The following FES variants were observed in gnomAD, a reference collection of about 807,000 sequenced individuals.
FES encodes tyrosine-protein kinase Fes/Fps.
FES carries 83 observed loss-of-function variants against 109.6 expected under a neutral mutation model. The ratio of observed to expected loss-of-function variants is 0.76; its 90% CI spans 0.63 to 0.91. FES has a LOEUF of 0.91. FES is among the 40% of genes least tolerant of loss of function. FES has a pLI of 0.00. For missense variants in FES, 943 were observed against 1,070.9 expected (o/e 0.88, Z 1.67); for synonymous variants, 458 against 442.1 (o/e 1.04, Z -0.45).
Position 90,895,583 on chromosome 15 carries a change from G to A in FES, c.*25G>A, listed in dbSNP as rs1033864972. The A allele has an allele frequency of 1.3e-6, 2 of 1,529,558 alleles. No homozygotes were observed. Among genetic ancestry groups the A allele is most frequent in the South Asian group, 1.2e-5 (1 of 80,298 alleles). 94.7% of individuals were successfully genotyped at this position (1,529,558 alleles called of 1,614,324 possible). A position where few individuals can be genotyped will look rare whatever the true frequency, so the allele number is the denominator to read the frequency against. On this transcript the variant is annotated 3_prime_UTR_variant, in exon 19 of 19. Coordinates refer to ENST00000328850, the MANE Select transcript of FES (RefSeq NM_002005.4). Reference sequence around the variant, plus strand: ...AGGCTGGGACCCCCTTCTCAAGCTGGTGGCCTCTGCAGGCCTAGGTGCAGC... The same window carrying A: ...AGGCTGGGACCCCCTTCTCAAGCTGATGGCCTCTGCAGGCCTAGGTGCAGC...
intron 2 of FES, 51 bp downstream of exon 2, chr15:90,885,309 T>C: frequency 6.2e-7 from 1 of 1,602,380 alleles, no homozygotes; most frequent in South Asian, 1.1e-5. Context: ...GCCTTCTCCT[T>C]CCTCTCCTGG....
At position 90,891,969 on chromosome 15, in the gene FES, G is replaced by A. The variant is rs180690811; in HGVS notation, c.1654-89G>A. ...GGTCCCACCCCTGGTCACATATGGA[G>A]GCGCCAAAAAATGGAGGACACAGCC... On this transcript the variant is annotated intron_variant, in intron 12 of 18. Transcript: ENST00000328850. 3.2e-3 allele frequency: 4,816 copies of A among 1,516,880 alleles called. 135 individuals are homozygous for A. The African/African-American group carries it at 0.054, about 17-fold the overall frequency. 94.0% of individuals were successfully genotyped at this position (1,516,880 alleles called of 1,614,324 possible). A position where few individuals can be genotyped will look rare whatever the true frequency, so the allele number is the denominator to read the frequency against.
rs1288171111 is a variant in FES at position 90,885,227 on chromosome 15, G to A, written c.182G>A (p.Arg61Gln). 28 of 1,613,204 alleles carry A rather than the reference G, an allele frequency of 1.7e-5. No homozygotes were observed. Among genetic ancestry groups the A allele is most frequent in the Non-Finnish European group, 2.3e-5 (27 of 1,179,980 alleles). The change falls in exon 2 of 19, where the codon CGG becomes CAG. Residue 61 changes from arginine to glutamine, a missense_variant. Coordinates refer to ENST00000328850, the MANE Select transcript of FES (RefSeq NM_002005.4). Reference sequence around the variant, plus strand: ...CTGCAGGACAGTGGGGGCCAGAGCCGGGCCATCAGCCCTGACAGCCCCATC... The same window carrying A: ...CTGCAGGACAGTGGGGGCCAGAGCCAGGCCATCAGCCCTGACAGCCCCATC... ...MSLQDSGGQS[R>Q]AISPDSPISQ... is the part of the protein sequence containing the mutation.
At chr15:90,888,503 G>A (rs564912536) in intron 5 of FES, among the ~76,000 whole-genome samples, 1 of 152,218 alleles carries the variant, frequency 6.6e-6, no homozygotes, top group African/African-American at 2.4e-5. Context: ...GCAGGCTCTT[G>A]CCATAATCCA....
At chr15:90,892,304 AC>A in intron 13 of FES, 193 bp downstream of exon 13, 1 of 647,638 alleles carries the variant, frequency 1.5e-6, no homozygotes, top group Non-Finnish European at 2.7e-6. Context: ...CTCCCAGCAG[AC>A]AGCTCTGCCA....
At position 90,893,208 on chromosome 15, in the gene FES, G is replaced by A. The variant is rs367768913; in HGVS notation, c.1921+14G>A. 233 of 1,613,554 alleles carry A rather than the reference G, an allele frequency of 1.4e-4. No homozygotes were observed. In the African/African-American group the frequency reaches 2.3e-3, roughly 16 times the overall value. The stretch of plus-strand genomic sequence containing the variant: ...AGCTTGTGCAGGGTGAGCGCGGGGC[G>A]CTGAGCTCCAGGTAGGGCGCGCAGC... On this transcript the variant is annotated intron_variant, in intron 15 of 18. Coordinates refer to ENST00000328850, the MANE Select transcript of FES (RefSeq NM_002005.4).
Position 90,890,264 on chromosome 15 carries a change from T to C in FES, c.1222T>C (p.Ser408Pro), listed in dbSNP as rs1596105107. The C allele has an allele frequency of 1.9e-6, 3 of 1,591,692 alleles. No individual in the cohort carries two copies. The highest frequency in any genetic ancestry group is 2.6e-6 in the Non-Finnish European group (3 of 1,172,158). Reference sequence around the variant, plus strand: ...GCTGCTCCTGCAGGATGACCGCCACTCCACGTCGTCCTCGGTGAGCTGCCC... The same window carrying C: ...GCTGCTCCTGCAGGATGACCGCCACCCCACGTCGTCCTCGGTGAGCTGCCC... The part of the protein sequence containing the change: ...PVLLLQDDRH[S>P]TSSSEQEREG... The change falls in exon 9 of 19, where the codon TCC (serine) becomes CCC (proline). Residue 408 changes from serine (S) to proline (P), a missense_variant. By Grantham distance (74) the Ser-to-Pro change is moderately conservative (BLOSUM62 -1). Coordinates refer to ENST00000328850, the MANE Select transcript of FES (RefSeq NM_002005.4).
chr15:90,893,228 C>A (rs182946089), intron 15 of FES, 34 bp downstream of exon 15: 57 of 1,613,226 alleles, frequency 3.5e-5, no homozygotes, highest in Non-Finnish European at 4.7e-5. Context: ...AGGTAGGGCG[C>A]GCAGCCTGGT....
chr15:90,891,294 T>C (rs2151262878), intron 11 of FES, 103 bp downstream of exon 11: 1 of 1,370,626 alleles, frequency 7.3e-7, no homozygotes, highest in African/African-American at 1.4e-5. Flanking sequence ...TGCCAGGTCT[T>C]GGATGCCTCC....
intron 1 of FES, chr15:90,884,824 T>G (rs1282838663): frequency 3.7e-6 from 2 of 542,616 alleles, no homozygotes; most frequent in Middle Eastern, 4.8e-4. Context: ...TTCCCGAACG[T>G]GCGGAGGAGA....
chr15:90,889,789 T>C lies in FES; in HGVS notation c.927-51T>C. 2 of 1,610,280 alleles carry C rather than the reference T, an allele frequency of 1.2e-6. No homozygotes were observed. Among genetic ancestry groups the C allele is most frequent in the South Asian group, 2.2e-5 (2 of 90,690 alleles). On this transcript the variant is annotated intron_variant, in intron 7 of 18. Coordinates refer to ENST00000328850, the MANE Select transcript of FES (RefSeq NM_002005.4). The surrounding 1 kb of genome is among the most constrained non-coding windows in gnomAD (Gnocchi z 6.1). ...TCTACAGGGATGCACTGGACCTGGGTTGAGGGGGCAGGAGGGCTCGGTTCT... is the reference window on the plus strand; with the variant it reads ...TCTACAGGGATGCACTGGACCTGGGCTGAGGGGGCAGGAGGGCTCGGTTCT...
chr15:90,890,851 A>T, intron 10 of FES, 131 bp from the exon 11 acceptor site: 1 of 910,164 alleles, frequency 1.1e-6, no homozygotes, highest in Non-Finnish European at 1.7e-6. Flanking sequence ...GGGCCTGTGG[A>T]TGGCTCTGCA....
intron 13 of FES, chr15:90,892,355 C>A: frequency 1.7e-6 from 1 of 596,818 alleles, no homozygotes; most frequent in Non-Finnish European, 3.0e-6. Context: ...CCGCCCCCAT[C>A]GAGCTCTTGT....
rs370524667 is a variant in FES, at chr15:90,888,549, CA to C, written c.669-755del. ...TTTGGCCACTAGGACGGGGAGGTAG[CA>C]ATGGAGGTGAGGCGCGGTCAGGTCC... On this transcript the variant is annotated intron_variant, in intron 5 of 18. Transcript: ENST00000328850. Among the ~76,000 whole-genome samples, 534 of 148,654 alleles carry C rather than the reference CA, an allele frequency of 3.6e-3. 3 individuals carry two copies. Among genetic ancestry groups the C allele is most frequent in the African/African-American group, 0.012 (484 of 40,446 alleles).
chr15:90,893,859 TG>T, intron 17 of FES, 48 bp downstream of exon 17: 3 of 1,604,868 alleles, frequency 1.9e-6, no homozygotes, highest in Non-Finnish European at 2.6e-6. Flanking sequence ...AGGCCAGGCC[TG>T]GGTCCTGCCG....
At chr15:90,892,315 A>G (rs988884710) in intron 13 of FES, 6 of 634,964 alleles carry the variant, frequency 9.4e-6, no homozygotes, top group African/African-American at 5.5e-5. Flanking sequence ...CAGCTCTGCC[A>G]GCACCCTGAC....
rs1204162663 is a variant in FES at position 90,887,331 on chromosome 15, G to A, written c.629G>A (p.Arg210Gln). 5 of 1,612,924 alleles carry A rather than the reference G, an allele frequency of 3.1e-6. No individual in the cohort carries two copies. Among genetic ancestry groups the A allele is most frequent in the East Asian group, 2.2e-5 (1 of 44,888 alleles). The part of the protein sequence containing the change: ...HHQLLLPGLL[R>Q]SLQDLHEEMA... The stretch of plus-strand genomic sequence containing the variant: ...CAGCTCCTGCTGCCCGGCCTGCTGC[G>A]GTCACTGCAGGACCTGCACGAGGAG... Residue 210 changes from arginine to glutamine, a missense_variant, in exon 5 of 19, where the codon CGG becomes CAG. Arg to Gln is a conservative substitution (Grantham distance 43). Coordinates refer to ENST00000328850, the MANE Select transcript of FES (RefSeq NM_002005.4).
In FES at chr15:90,885,587, T is replaced by A; in HGVS notation, c.387+2T>A. 6.2e-7 allele frequency: 1 copy of A among 1,612,332 alleles called. No homozygotes were observed. Among genetic ancestry groups the A allele is most frequent in the Non-Finnish European group, 8.5e-7 (1 of 1,179,702 alleles). On this transcript the variant is annotated splice_donor_variant, in intron 3 of 18. Transcript: ENST00000328850. LOFTEE classifies it high-confidence loss of function. ...CAGCTGCAGCAGGAGCTCACCAAGG[T>A]GAGCGGGCAGCACTGGGGCTTCGGT...
At position 90,885,071 on chromosome 15, in the gene FES, G is replaced by T. The variant is rs756352736; in HGVS notation, c.26G>T (p.Ser9Ile). Residue 9 changes from serine (S) to isoleucine (I), a missense_variant, in exon 2 of 19, where the codon AGC becomes ATC. Coordinates refer to ENST00000328850, the MANE Select transcript of FES (RefSeq NM_002005.4). ...ATGGGCTTCTCTTCCGAGCTGTGCA[G>T]CCCCCAGGGCCACGGGGTCCTGCAG... MGFSSELC[S>I]PQGHGVLQQM... The T allele has an allele frequency of 5.0e-6, 8 of 1,612,616 alleles. No individual in the cohort carries two copies. Among genetic ancestry groups the T allele is most frequent in the Non-Finnish European group, 6.8e-6 (8 of 1,179,868 alleles).
Sources: allele counts gnomAD v4.1 joint callset (sites outside exome capture counted in the v4.1 genomes callset), GRCh38; gene constraint gnomAD v4.1.1; non-coding constraint Gnocchi (gnomAD v3.1); transcripts MANE v1.5; gene names NCBI Gene and HGNC (gene_info 2026-07-23, HGNC 2026-07-21).